ACSS3: variants seen among roughly 807,000 people sequenced by gnomAD.
ACSS3 encodes acyl-CoA synthetase short-chain family member 3, mitochondrial.
Under a neutral mutation model 84.2 loss-of-function variants are expected in ACSS3, and 64 were observed. That is an observed-to-expected ratio of 0.76 (90% CI 0.62 to 0.94). The LOEUF is 0.94. Ranked by LOEUF, ACSS3 falls within the 40% of genes least tolerant of loss-of-function variation. The pLI is 0.00. For synonymous variants in ACSS3, 317 were observed against 310.1 expected, an observed-to-expected ratio of 1.02 and a Z score of -0.23; for missense variants, 815 against 867.6, an observed-to-expected ratio of 0.94 and a Z score of 0.76.
chr12:81,092,527 G>T (rs1480771526), intron 1 of ACSS3, among the ~76,000 whole-genome samples: 1 of 152,082 alleles, frequency 6.6e-6, no homozygotes, highest in Non-Finnish European at 1.5e-5. Context: ...CCATTTTGGT[G>T]AACAGTGGCC....
In ACSS3 at chr12:81,259,446, T is replaced by C; in HGVS notation, c.*4524T>C. Reference sequence around the variant, plus strand: ...TGTTGTACAGAGTTTATGATGTAGATGATGTTTATTATTCAAATGACTTAA... The same window carrying C: ...TGTTGTACAGAGTTTATGATGTAGACGATGTTTATTATTCAAATGACTTAA... On this transcript the variant is annotated 3_prime_UTR_variant, in exon 16 of 16. Coordinates refer to ENST00000548058, the MANE Select transcript of ACSS3 (RefSeq NM_024560.4). The C allele has an allele frequency of 1.5e-6, 1 of 661,514 alleles. No homozygotes were observed. Among genetic ancestry groups the C allele is most frequent in the Non-Finnish European group, 2.7e-6 (1 of 371,734 alleles). The allele number at this position is 661,514 out of a possible 1,614,324, so 41.0% of individuals were successfully genotyped here. A position where few individuals can be genotyped will look rare whatever the true frequency, so the allele number is the denominator to read the frequency against.
intron 1 of ACSS3, among the ~76,000 whole-genome samples, chr12:81,103,959 A>T (rs973261184): frequency 1.3e-5 from 2 of 151,426 alleles, no homozygotes; most frequent in Non-Finnish European, 2.9e-5. Context: ...GTTTTTTAAA[A>T]TTAAATTTGT....
At chr12:81,104,839 A>G (rs898832972) in intron 1 of ACSS3, 6 of 152,148 alleles carry the variant, frequency 3.9e-5, no homozygotes, top group African/African-American at 1.4e-4. Flanking sequence ...CTAAAACAGA[A>G]GATTTAAATC....
intron 3 of ACSS3, among the ~76,000 whole-genome samples, chr12:81,135,615 T>A (rs1177666950): frequency 1.3e-5 from 2 of 151,502 alleles, no homozygotes; most frequent in African/African-American, 4.8e-5. Flanking sequence ...TTCTCACTGT[T>A]AAGTGGGAGC....
chr12:81,093,557 T>C lies in ACSS3; in HGVS notation c.311+15126T>C, dbSNP rs533827786. Among the ~76,000 whole-genome samples the C allele has an allele frequency of 9.6e-4, 146 of 151,594 alleles. 1 individual carries two copies. The highest frequency in any genetic ancestry group is 3.4e-3 in the African/African-American group (141 of 41,430). On this transcript the variant is annotated intron_variant, in intron 1 of 15. Coordinates refer to ENST00000548058, the MANE Select transcript of ACSS3 (RefSeq NM_024560.4). ...TTACTTTACATTTTAATTAGGTAAA[T>C]GCAGGAAAGTCAAATATCTTGCTAT... is the stretch of plus-strand genomic sequence containing the variant.
At chr12:81,136,383 C>T (rs1885805332) in intron 3 of ACSS3, among the ~76,000 whole-genome samples, 1 of 152,088 alleles carries the variant, frequency 6.6e-6, no homozygotes, top group South Asian at 2.1e-4. Context: ...ACAACATGTA[C>T]ATGATAGGTG....
intron 2 of ACSS3, among the ~76,000 whole-genome samples, chr12:81,111,549 A>G (rs1327700219): frequency 6.6e-6 from 1 of 152,198 alleles, no homozygotes; most frequent in East Asian, 1.9e-4. Flanking sequence ...CCTAAAGCAA[A>G]GGGCCTCGAT....
At chr12:81,180,808 G>A (rs887525288) in intron 8 of ACSS3, among the ~76,000 whole-genome samples, 3 of 152,094 alleles carry the variant, frequency 2.0e-5, no homozygotes, top group South Asian at 4.1e-4. Flanking sequence ...GAGCCACTGC[G>A]CCAGGTCATG....
rs182394726 is a variant in ACSS3 at position 81,182,294 on chromosome 12, C to A, written c.1250+7355C>A. Among the ~76,000 whole-genome samples, 5 of 152,244 alleles carry A rather than the reference C, an allele frequency of 3.3e-5. No individual in the cohort carries two copies. The East Asian group carries it at 9.6e-4, about 29-fold the overall frequency. On this transcript the variant is annotated intron_variant, in intron 8 of 15. Coordinates refer to ENST00000548058, the MANE Select transcript of ACSS3 (RefSeq NM_024560.4). ...AACACAAAACTGCTAGCCAGACATG[C>A]TGTCCTTCAGGAAAGAAGGATAAAT...
chr12:81,191,105 C>A (rs1340893508), intron 8 of ACSS3, among the ~76,000 whole-genome samples: 1 of 151,948 alleles, frequency 6.6e-6, no homozygotes, highest in African/African-American at 2.4e-5. Flanking sequence ...TGTTTTCATA[C>A]ATGCACAGCC....
chr12:81,148,229 C>G (rs1211199697), intron 5 of ACSS3, among the ~76,000 whole-genome samples: 1 of 151,882 alleles, frequency 6.6e-6, no homozygotes, highest in Non-Finnish European at 1.5e-5. Context: ...CTTCAGGCTT[C>G]CCTCCTCTTC....
rs2033972244 is a variant in ACSS3, at chr12:81,245,968, A to G, written c.1720-7339A>G. ...AGGGCTTTGTCTCCCCACAGTTACC[A>G]GGATTATTCCTGCAACGTCTACAGG... On this transcript the variant is annotated intron_variant, in intron 13 of 15. Transcript: ENST00000548058. Among the ~76,000 whole-genome samples the G allele has an allele frequency of 4.6e-5, 7 of 152,260 alleles. No homozygotes were observed. The South Asian group carries it at 1.5e-3, about 32-fold the overall frequency.
rs1397317775 is a variant in ACSS3, at chr12:81,231,069, A to G, written c.1527A>G (p.Pro509=). 6.2e-7 allele frequency: 1 copy of G among 1,610,576 alleles called. No homozygotes were observed. The highest frequency in any genetic ancestry group is 1.7e-5 in the Admixed American group (1 of 59,648). ...LGNIVVKLPL[P]PGAFSGLWKN... The stretch of plus-strand genomic sequence containing the variant: ...GTTTTTATATAAGGTTACCATTGCC[A>G]CCTGGGGCTTTTTCAGGACTCTGGA... The change falls in exon 12 of 16, where the codon CCA becomes CCG. Residue 509 remains proline, a synonymous_variant. Transcript: ENST00000548058.
At chr12:81,126,753 T>A (rs1192115426) in intron 2 of ACSS3, among the ~76,000 whole-genome samples, 1 of 152,172 alleles carries the variant, frequency 6.6e-6, no homozygotes, top group Non-Finnish European at 1.5e-5. Context: ...TAAATAATTA[T>A]CTATTTCACT....
intron 5 of ACSS3, among the ~76,000 whole-genome samples, chr12:81,144,135 G>C (rs1886216193): frequency 6.6e-6 from 1 of 152,178 alleles, no homozygotes; most frequent in Admixed American, 6.5e-5. Flanking sequence ...TCTTAGAATA[G>C]TGGTTCTATT....
At chr12:81,235,288 T>A (rs917848171) in intron 13 of ACSS3, among the ~76,000 whole-genome samples, 15 of 151,406 alleles carry the variant, frequency 9.9e-5, no homozygotes, top group African/African-American at 4.8e-5. Flanking sequence ...ATGTTTTTTT[T>A]ATGATGATCA....
At chr12:81,139,515 G>T (rs550734137) in intron 4 of ACSS3, among the ~76,000 whole-genome samples, 1 of 150,908 alleles carries the variant, frequency 6.6e-6, no homozygotes, top group South Asian at 2.1e-4. Context: ...CTATTGTTGT[G>T]TTTTTTATTA....
At position 81,233,412 on chromosome 12, in the gene ACSS3, C is replaced by T. The variant is rs140163993; in HGVS notation, c.1660C>T (p.Arg554Ter). The change falls in exon 13 of 16, where the codon CGA (arginine) becomes TGA (stop). Residue 554 changes from arginine (R) to a stop codon, truncating the protein, a stop_gained. Transcript: ENST00000548058. LOFTEE classifies it high-confidence loss of function. ...DEEGYLYVMS[R>*]VDDVINVAGH... ...AGAAGGCTATTTGTATGTTATGTCT[C>T]GAGTGGATGATGTAATAAATGTTGC... 5 of 1,610,814 alleles carry T rather than the reference C, an allele frequency of 3.1e-6. No homozygotes were observed. The highest frequency in any genetic ancestry group is 1.7e-5 in the Admixed American group (1 of 59,764).
At chr12:81,157,550 T>C (rs917022812) in intron 7 of ACSS3, among the ~76,000 whole-genome samples, 181 of 152,338 alleles carry the variant, frequency 1.2e-3, no homozygotes, top group African/African-American at 4.3e-3. Context: ...GGCTCACGCC[T>C]GTAATCCCAG....
Sources: allele counts gnomAD v4.1 joint callset (sites outside exome capture counted in the v4.1 genomes callset), GRCh38; gene constraint gnomAD v4.1.1; transcripts MANE v1.5; gene names NCBI Gene and HGNC (gene_info 2026-07-23, HGNC 2026-07-21).